KLHL32: variants seen among roughly 807,000 people sequenced by gnomAD.
KLHL32 encodes kelch-like protein 32.
KLHL32 carries 35 observed loss-of-function variants against 64.8 expected under a neutral mutation model. The ratio of observed to expected loss-of-function variants is 0.54; its 90% CI spans 0.41 to 0.72. KLHL32 has a LOEUF of 0.72. KLHL32 is among the 30% of genes least tolerant of loss of function. The probability of loss-of-function intolerance (pLI) is 0.00; values close to 1 mark genes in which losing one functional copy is unlikely to be tolerated. For missense variants in KLHL32, 589 were observed against 768.5 expected, an observed-to-expected ratio of 0.77 and a Z score of 2.76; for synonymous variants, 259 against 281.0, an observed-to-expected ratio of 0.92 and a Z score of 0.78.
At position 97,064,657 on chromosome 6, in the gene KLHL32, T is replaced by C; in HGVS notation, c.342T>C (p.Asp114=). ...TGCTGGAGCCAGGTGTGATCCAGGA[T>C]GTGCTAGCAGCGGGCAGTCACCTAC... The part of the protein sequence containing the change: ...QILLEPGVIQ[D]VLAAGSHLQL... Residue 114 remains aspartate, a synonymous_variant, in exon 5 of 11, where the codon GAT becomes GAC. Transcript: ENST00000369261. 1.2e-6 allele frequency: 2 copies of C among 1,614,216 alleles called. No homozygotes were observed. The highest frequency in any genetic ancestry group is 1.6e-4 in the Middle Eastern group (1 of 6,062).
intron 3 of KLHL32, among the ~76,000 whole-genome samples, chr6:97,018,991 C>A (rs1418767985): frequency 3.3e-5 from 5 of 152,000 alleles, no homozygotes; most frequent in Non-Finnish European, 7.4e-5. Flanking sequence ...ACACATGAAA[C>A]AATTACAAAA....
chr6:97,058,543 GGT>G (rs1788375773), intron 4 of KLHL32, among the ~76,000 whole-genome samples: 2 of 152,102 alleles, frequency 1.3e-5, no homozygotes, highest in African/African-American at 4.8e-5. Context: ...TTGGGACTAT[GGT>G]GCATCTAGCC....
chr6:96,970,029 C>T (rs1040358803), intron 2 of KLHL32, among the ~76,000 whole-genome samples: 1 of 152,150 alleles, frequency 6.6e-6, no homozygotes, highest in Non-Finnish European at 1.5e-5. Flanking sequence ...GGAAATCTTC[C>T]TCCCACTCAC....
intron 6 of KLHL32, among the ~76,000 whole-genome samples, chr6:97,091,987 T>G (rs1794316853): frequency 6.6e-6 from 1 of 151,798 alleles, no homozygotes; most frequent in South Asian, 2.1e-4. Context: ...CTTTCTTTTT[T>G]TTTTTTTTTT....
intron 3 of KLHL32, among the ~76,000 whole-genome samples, chr6:96,993,074 G>A (rs1269944159): frequency 6.6e-6 from 1 of 152,272 alleles, no homozygotes; most frequent in African/African-American, 2.4e-5. Context: ...AGTGCTAAGT[G>A]CTGGAGTTTT....
At chr6:96,922,701 C>CTAT (rs1384777832), upstream of KLHL32, among the ~76,000 whole-genome samples, 5 of 152,096 alleles carry the variant, frequency 3.3e-5, no homozygotes, top group Non-Finnish European at 5.9e-5. Context: ...AAGTCATTTT[C>CTAT]TTAATAAGGA....
At chr6:97,099,109 A>C (rs544533256) in intron 6 of KLHL32, among the ~76,000 whole-genome samples, 12 of 152,280 alleles carry the variant, frequency 7.9e-5, no homozygotes, top group Admixed American at 7.2e-4. Context: ...CTGAGTTCTG[A>C]GTTTCCCCAC....
chr6:96,948,413 A>T (rs898607395), intron 1 of KLHL32, among the ~76,000 whole-genome samples: 1 of 152,088 alleles, frequency 6.6e-6, no homozygotes, highest in Non-Finnish European at 1.5e-5. Context: ...GGAGAAAAAA[A>T]ATTCAACCAA....
chr6:96,913,921 T>A, the KLHL32 span, among the ~76,000 whole-genome samples: 1 of 152,178 alleles, frequency 6.6e-6, no homozygotes, highest in South Asian at 2.1e-4. Context: ...AGACTGCAGA[T>A]GGAATTAATG....
intron 6 of KLHL32, among the ~76,000 whole-genome samples, chr6:97,102,263 G>A (rs112660434): frequency 0.013 from 1,912 of 152,238 alleles, 43 homozygotes; most frequent in African/African-American, 0.043. Flanking sequence ...GATTTCCCTG[G>A]CCATTTCAGC....
At chr6:97,071,897 T>C (rs777948609) in intron 5 of KLHL32, among the ~76,000 whole-genome samples, 1 of 152,224 alleles carries the variant, frequency 6.6e-6, no homozygotes, top group Non-Finnish European at 1.5e-5. Flanking sequence ...ACAATCTAAG[T>C]TATTTGTCTG....
chr6:97,111,078 C>A (rs1797070711), intron 6 of KLHL32, among the ~76,000 whole-genome samples: 1 of 151,918 alleles, frequency 6.6e-6, no homozygotes. Flanking sequence ...GGGACTGGGT[C>A]CAGTCCAGGG....
chr6:97,050,062 T>C (rs545721509), intron 4 of KLHL32, among the ~76,000 whole-genome samples: 69 of 152,308 alleles, frequency 4.5e-4, no homozygotes, highest in Non-Finnish European at 8.1e-4. Context: ...AGAGTCTAGT[T>C]TGTGCTGCAA....
chr6:97,092,994 A>G (rs1583001864), intron 6 of KLHL32, among the ~76,000 whole-genome samples: 2 of 152,300 alleles, frequency 1.3e-5, no homozygotes, highest in Non-Finnish European at 2.9e-5. Flanking sequence ...GCACAACAGA[A>G]CAACAAGGTG....
At chr6:96,971,605 TACTG>T in intron 2 of KLHL32, among the ~76,000 whole-genome samples, 1 of 152,102 alleles carries the variant, frequency 6.6e-6, no homozygotes, top group Non-Finnish European at 1.5e-5. Context: ...AAGGTCATCT[TACTG>T]TTCAGGGAGT....
intron 6 of KLHL32, among the ~76,000 whole-genome samples, chr6:97,092,108 G>A (rs1794344549): frequency 6.6e-6 from 1 of 151,684 alleles, no homozygotes; most frequent in African/African-American, 2.4e-5. Flanking sequence ...TCCAGCCTCC[G>A]CCTCCCAAGT....
In KLHL32 at chr6:97,107,253, A is replaced by G. The variant is rs577842375; in HGVS notation, c.628-6530A>G. ...GCTTGCAGTGAGCCGAGATCGCGCC[A>G]CTGCAGTCCGGCCTGGGCGAAAGGC... On this transcript the variant is annotated intron_variant, in intron 6 of 10. Transcript: ENST00000369261. Among the ~76,000 whole-genome samples the G allele has an allele frequency of 6.9e-4, 105 of 152,070 alleles. 1 individual carries two copies. Among genetic ancestry groups the G allele is most frequent in the African/African-American group, 2.5e-3 (103 of 41,398 alleles).
At position 97,114,517 on chromosome 6, in the gene KLHL32, A is replaced by G. The variant is rs769779122; in HGVS notation, c.1354+8A>G. On this transcript the variant is annotated splice_region_variant and intron_variant, in intron 7 of 10. Transcript: ENST00000369261. Reference sequence around the variant, plus strand: ...GTCTTCTTTGGATATCAGGTAGAACATACCTCATGTTGGATTTATCAAAAC... The same window carrying G: ...GTCTTCTTTGGATATCAGGTAGAACGTACCTCATGTTGGATTTATCAAAAC... The G allele has an allele frequency of 1.2e-4, 199 of 1,612,780 alleles. No individual in the cohort carries two copies. The highest frequency in any genetic ancestry group is 1.6e-4 in the Non-Finnish European group (191 of 1,180,004).
intron 3 of KLHL32, 116 bp downstream of exon 3, chr6:96,976,293 G>A: frequency 2.1e-6 from 2 of 962,802 alleles, no homozygotes. Context: ...CTGAATGGTG[G>A]GGGCCTTTGT....
Sources: allele counts gnomAD v4.1 joint callset (sites outside exome capture counted in the v4.1 genomes callset), GRCh38; gene constraint gnomAD v4.1.1; transcripts MANE v1.5; gene names NCBI Gene and HGNC (gene_info 2026-07-23, HGNC 2026-07-21).